Variants in GRIP2 observed in about 807,000 individuals in gnomAD.
GRIP2 encodes the protein glutamate receptor-interacting protein 2.
In GRIP2, 58 loss-of-function variants were observed where a neutral mutation model predicts 108.3. The observed-to-expected ratio is 0.54, with a 90% CI of 0.43 to 0.67. The LOEUF (loss-of-function observed/expected upper bound fraction) is 0.67. Among genes scored for constraint, GRIP2 ranks in the 30% least tolerant of loss-of-function variants. The probability of loss-of-function intolerance (pLI) is 0.00; values close to 1 mark genes in which losing one functional copy is unlikely to be tolerated. For missense variants in GRIP2, 1,278 were observed against 1,430.6 expected, an observed-to-expected ratio of 0.89 and a Z score of 1.72; for synonymous variants, 586 against 598.2, an observed-to-expected ratio of 0.98 and a Z score of 0.30.
chr3:14,504,092 G>A (rs1693848497), intron 20 of GRIP2: 3 of 220,290 alleles, frequency 1.4e-5, no homozygotes, highest in Non-Finnish European at 1.8e-5. Flanking sequence ...GGCCAGCAAG[G>A]ACACAGATGG....
the GRIP2 span, among the ~76,000 whole-genome samples, chr3:14,588,119 C>T: frequency 2.6e-5 from 4 of 152,216 alleles, no homozygotes; most frequent in African/African-American, 9.6e-5. Context: ...GGCTCCTGCA[C>T]CCAACCTGGG....
Position 14,496,523 on chromosome 3 carries a change from A to C in GRIP2, c.2717T>G (p.Leu906Arg). Residue 906 changes from leucine to arginine, a missense_variant, in exon 22 of 24, where the codon CTC becomes CGC. By Grantham distance (102) the Leu-to-Arg change is moderately radical. Transcript: ENST00000621039. ...IMTGTVQRVALEGRPGHRPWQ... is the reference protein window; with the variant it reads ...IMTGTVQRVAREGRPGHRPWQ... ...AGGCCGGTGGCCAGGCCTGCCCTCG[A>C]GGGCCACCCTCTGCACGGTGCCCGT... is the stretch of plus-strand genomic sequence containing the variant. The C allele has an allele frequency of 6.2e-7, 1 of 1,612,834 alleles. No individual in the cohort carries two copies. Among genetic ancestry groups the C allele is most frequent in the South Asian group, 1.1e-5 (1 of 90,888 alleles).
intron 21 of GRIP2, 149 bp downstream of exon 21, chr3:14,503,417 C>T: frequency 1.6e-6 from 1 of 620,814 alleles, no homozygotes; most frequent in South Asian, 2.0e-5. Context: ...TATGTGAAGA[C>T]ACCTTTTCCC....
At chr3:14,595,075 T>C in the GRIP2 span, among the ~76,000 whole-genome samples, 3 of 152,020 alleles carry the variant, frequency 2.0e-5, no homozygotes, top group Non-Finnish European at 1.5e-5. Flanking sequence ...TTTTGTATTT[T>C]TTTGTAGAGA....
At chr3:14,598,929 T>C in the GRIP2 span, among the ~76,000 whole-genome samples, 1 of 152,126 alleles carries the variant, frequency 6.6e-6, no homozygotes, top group Non-Finnish European at 1.5e-5. Context: ...CAGCTCAAAG[T>C]CACCTTCCAG....
intron 1 of GRIP2, among the ~76,000 whole-genome samples, chr3:14,536,229 A>G (rs182670895): frequency 6.6e-6 from 1 of 152,232 alleles, no homozygotes; most frequent in Non-Finnish European, 1.5e-5. Context: ...TAAGCACTTT[A>G]TGAATGCTAA....
rs1398761992 is a variant in GRIP2 at position 14,517,115 on chromosome 3, G to C, written c.1255C>G (p.Arg419Gly). 1.2e-6 allele frequency: 2 copies of C among 1,609,408 alleles called. No individual in the cohort carries two copies. The highest frequency in any genetic ancestry group is 1.1e-5 in the South Asian group (1 of 90,478). Residue 419 changes from arginine (R) to glycine (G), a missense_variant, in exon 11 of 24, where the codon CGA (arginine) becomes GGA (glycine). Arg to Gly is a moderately radical substitution (Grantham distance 125). Coordinates refer to ENST00000621039, the MANE Select transcript of GRIP2 (RefSeq NM_001080423.4). ...LPRGSQPMSP[R>G]TTMGRRRQRR... ...TGCCTCCTCCGCCCCATTGTAGTTC[G>C]AGGACTCATGGGCTGGGATCCACGG... is the stretch of plus-strand genomic sequence containing the variant.
At chr3:14,597,095 G>A in the GRIP2 span, among the ~76,000 whole-genome samples, 1 of 152,176 alleles carries the variant, frequency 6.6e-6, no homozygotes, top group East Asian at 1.9e-4. Flanking sequence ...GATCAATCCA[G>A]CAAAAGGGAA....
upstream of GRIP2, among the ~76,000 whole-genome samples, chr3:14,560,282 C>CA (rs958283413): frequency 2.0e-5 from 3 of 152,214 alleles, no homozygotes; most frequent in East Asian, 5.8e-4. Flanking sequence ...AAAACAAAAA[C>CA]AAAAAGCACG....
At position 14,511,081 on chromosome 3, in the gene GRIP2, G is replaced by A; in HGVS notation, c.1933+84C>T. The A allele has an allele frequency of 1.3e-6, 2 of 1,516,822 alleles. No individual in the cohort carries two copies. The highest frequency in any genetic ancestry group is 1.2e-5 in the South Asian group (1 of 80,072). The allele number at this position is 1,516,822 out of a possible 1,614,324, so 94.0% of individuals were successfully genotyped here. A position where few individuals can be genotyped will look rare whatever the true frequency, so the allele number is the denominator to read the frequency against. ...GCCCACCACCCTCCCTTCCTCGGCT[G>A]GAGGGAGCCCTGAATTGCAAGCTGG... On this transcript the variant is annotated intron_variant, in intron 16 of 23. Coordinates refer to ENST00000621039, the MANE Select transcript of GRIP2 (RefSeq NM_001080423.4). The surrounding 1 kb of genome is among the most constrained non-coding windows in gnomAD (Gnocchi z 4.1).
At chr3:14,596,913 T>A in the GRIP2 span, among the ~76,000 whole-genome samples, 492 of 152,248 alleles carry the variant, frequency 3.2e-3, 5 homozygotes, top group African/African-American at 0.011. Flanking sequence ...GCTGATTTTT[T>A]AAATTTTTTT....
At chr3:14,562,849 G>C in the GRIP2 span, among the ~76,000 whole-genome samples, 1 of 152,236 alleles carries the variant, frequency 6.6e-6, no homozygotes, top group Non-Finnish European at 1.5e-5. Flanking sequence ...CATTCCCTGA[G>C]ATGGATTCTT....
Position 14,493,777 on chromosome 3 carries a change from A to G in GRIP2, c.3020T>C (p.Leu1007Pro). The G allele has an allele frequency of 6.2e-7, 1 of 1,613,436 alleles. No homozygotes were observed. Among genetic ancestry groups the G allele is most frequent in the Admixed American group, 1.7e-5 (1 of 59,984 alleles). Reference protein sequence around the residue: ...RDFDCCLAVPLLAEAGDVLEL... With the variant: ...RDFDCCLAVPPLAEAGDVLEL... ...CAAGACATCACCCGCCTCGGCCAGG[A>G]GTGGCACCGCCAGGCAGCAGTCGAA... The change falls in exon 24 of 24, where the codon CTC (leucine) becomes CCC (proline). Residue 1007 changes from leucine to proline, a missense_variant. Coordinates refer to ENST00000621039, the MANE Select transcript of GRIP2 (RefSeq NM_001080423.4).
chr3:14,544,445 TG>T (rs1276682283), upstream of GRIP2, among the ~76,000 whole-genome samples: 1 of 152,102 alleles, frequency 6.6e-6, no homozygotes, highest in African/African-American at 2.4e-5. Flanking sequence ...CAGAGGGCCT[TG>T]TCGGGGGTGC....
the GRIP2 span, among the ~76,000 whole-genome samples, chr3:14,562,553 C>T: frequency 6.6e-6 from 1 of 152,180 alleles, no homozygotes. Flanking sequence ...TCCTGTGTTT[C>T]CTGTATACGC....
intron 1 of GRIP2, among the ~76,000 whole-genome samples, chr3:14,547,692 C>A (rs988226625): frequency 6.6e-6 from 1 of 152,164 alleles, no homozygotes; most frequent in Non-Finnish European, 1.5e-5. Flanking sequence ...CCCTCCCCAT[C>A]CTCCTCCCCT....
chr3:14,505,207 C>G lies in GRIP2; in HGVS notation c.2573+408G>C, dbSNP rs1020101662. Among the ~76,000 whole-genome samples the G allele has an allele frequency of 2.6e-5, 4 of 152,206 alleles. No individual in the cohort carries two copies. Among genetic ancestry groups the G allele is most frequent in the African/African-American group, 7.2e-5 (3 of 41,452 alleles). ...CTCCACAGCCTGCTCTCTGCAGGAGCCTTCTCCAGCGGCTCAGCCACTCGG... is the reference window on the plus strand; with the variant it reads ...CTCCACAGCCTGCTCTCTGCAGGAGGCTTCTCCAGCGGCTCAGCCACTCGG... On this transcript the variant is annotated intron_variant, in intron 20 of 23. Coordinates refer to ENST00000621039, the MANE Select transcript of GRIP2 (RefSeq NM_001080423.4). The surrounding 1 kb of genome is among the most constrained non-coding windows in gnomAD (Gnocchi z 4.2).
intron 21 of GRIP2, among the ~76,000 whole-genome samples, chr3:14,499,883 GA>G (rs927332699): frequency 7.3e-5 from 11 of 151,332 alleles, no homozygotes; most frequent in South Asian, 2.1e-4. Context: ...TAGCTGATGA[GA>G]AAAAAAAATC....
upstream of GRIP2, among the ~76,000 whole-genome samples, chr3:14,544,702 C>T (rs963634954): frequency 4.6e-5 from 7 of 152,290 alleles, no homozygotes; most frequent in South Asian, 2.1e-4. Flanking sequence ...CCCCAGGGGC[C>T]GGGCCAGGAC....
Sources: gnomAD v4.1 joint callset for allele counts (sites outside exome capture counted in the v4.1 genomes callset) on GRCh38, gnomAD v4.1.1 for gene constraint, Gnocchi (gnomAD v3.1) non-coding constraint, MANE v1.5 for transcripts, NCBI Gene and HGNC (gene_info 2026-07-23, HGNC 2026-07-21) for gene names.